COL5A1: variants seen among roughly 807,000 people sequenced by gnomAD.
COL5A1 encodes the protein collagen type V alpha 1 chain.
In COL5A1, 16 loss-of-function variants were observed where a neutral mutation model predicts 263.7. That is an observed-to-expected ratio of 0.06 (90% CI 0.04 to 0.09). The LOEUF (loss-of-function observed/expected upper bound fraction) is 0.09. Ranked by LOEUF, COL5A1 falls within the 10% of genes least tolerant of loss-of-function variation. The probability of loss-of-function intolerance (pLI) is 1.00; values close to 1 mark genes in which losing one functional copy is unlikely to be tolerated. For missense variants in COL5A1, 2,036 were observed against 2,540.5 expected (o/e 0.80, Z 4.27); for synonymous variants, 1,012 against 1,004.5 (o/e 1.01, Z -0.14).
In COL5A1 at chr9:134,784,759, G is replaced by T. The variant is rs546930033; in HGVS notation, c.2485-230G>T. ...ATAAATAGCAGGCAACCTCGGTGCAGAGACCAGCTTCCGCAGAGCCCGGGA... is the reference window on the plus strand; with the variant it reads ...ATAAATAGCAGGCAACCTCGGTGCATAGACCAGCTTCCGCAGAGCCCGGGA... On this transcript the variant is annotated intron_variant, in intron 29 of 65. Coordinates refer to ENST00000371817, the MANE Select transcript of COL5A1 (RefSeq NM_000093.5). 2.0e-5 allele frequency among the ~76,000 whole-genome samples: 3 copies of T among 152,410 alleles called. No individual in the cohort carries two copies. In the East Asian group the frequency reaches 5.8e-4, roughly 29 times the overall value.
rs879746110 is a variant in COL5A1, at chr9:134,754,781, T to C, written c.1827+455T>C. 3.3e-5 allele frequency among the ~76,000 whole-genome samples: 5 copies of C among 152,098 alleles called. No homozygotes were observed. The highest frequency in any genetic ancestry group is 4.4e-5 in the Non-Finnish European group (3 of 68,018). ...GCATGGTTCTCCTGGATGGAACTGG[T>C]TTGTTTGCACATGACCCTGGCTTCT... On this transcript the variant is annotated intron_variant, in intron 16 of 65. Transcript: ENST00000371817. The surrounding 1 kb of genome is among the most constrained non-coding windows in gnomAD (Gnocchi z 4.3).
At chr9:134,745,011 G>T (rs1426693375) in intron 11 of COL5A1, among the ~76,000 whole-genome samples, 1 of 152,238 alleles carries the variant, frequency 6.6e-6, no homozygotes, top group Admixed American at 6.5e-5. Flanking sequence ...GCAGGCTTGT[G>T]TGCCCGAATC....
chr9:134,646,825 T>C (rs1428950533), intron 1 of COL5A1, among the ~76,000 whole-genome samples: 3 of 152,118 alleles, frequency 2.0e-5, no homozygotes, highest in African/African-American at 7.2e-5. Flanking sequence ...ATTACTGAAC[T>C]CCAGGCCAGC....
At chr9:134,688,172 A>G (rs536909391) in intron 1 of COL5A1, among the ~76,000 whole-genome samples, 1 of 152,290 alleles carries the variant, frequency 6.6e-6, no homozygotes, top group South Asian at 2.1e-4. Context: ...ACTTGTTGCA[A>G]CAGAGATCTG....
intron 20 of COL5A1, among the ~76,000 whole-genome samples, chr9:134,764,494 CA>C (rs1836587635): frequency 6.6e-6 from 1 of 152,062 alleles, no homozygotes; most frequent in African/African-American, 2.4e-5. Context: ...ATTCCTCCAG[CA>C]GACTCTGCCC....
intron 4 of COL5A1, chr9:134,708,790 A>T: frequency 2.2e-6 from 1 of 457,984 alleles, no homozygotes. Context: ...GCAGAGATTT[A>T]TCCTCTCCCA....
chr9:134,790,321 CCCAT>C (rs1187124591), intron 32 of COL5A1, among the ~76,000 whole-genome samples: 3 of 150,526 alleles, frequency 2.0e-5, no homozygotes, highest in African/African-American at 4.9e-5. Flanking sequence ...CATCCACCCA[CCCAT>C]CCATCCATCC....
intron 4 of COL5A1, among the ~76,000 whole-genome samples, chr9:134,715,530 G>A (rs1342629135): frequency 1.3e-5 from 2 of 152,286 alleles, no homozygotes; most frequent in African/African-American, 4.8e-5. Flanking sequence ...CCATATTTCA[G>A]ACTATCACAC....
At chr9:134,654,244 TG>T (rs1286769139) in intron 1 of COL5A1, among the ~76,000 whole-genome samples, 3 of 129,172 alleles carry the variant, frequency 2.3e-5, no homozygotes, top group African/African-American at 6.0e-5. Flanking sequence ...TGTGTAGGGC[TG>T]GGGGTGTTTT....
chr9:134,810,317 T>C lies in COL5A1; in HGVS notation c.3528+9T>C. Reference sequence around the variant, plus strand: ...GGGACAAAGGAGAACAGGTAAGTATTGGCACGGGGGCGCGCGGCAGCCCCC... The same window carrying C: ...GGGACAAAGGAGAACAGGTAAGTATCGGCACGGGGGCGCGCGGCAGCCCCC... On this transcript the variant is annotated intron_variant, in intron 44 of 65. Coordinates refer to ENST00000371817, the MANE Select transcript of COL5A1 (RefSeq NM_000093.5). 1 of 1,613,612 alleles carries C rather than the reference T, an allele frequency of 6.2e-7. No individual in the cohort carries two copies. The highest frequency in any genetic ancestry group is 8.5e-7 in the Non-Finnish European group (1 of 1,179,686).
At chr9:134,825,623 G>A (rs1352396423) in intron 62 of COL5A1, among the ~76,000 whole-genome samples, 169 bp from the exon 63 acceptor site, 3 of 152,184 alleles carry the variant, frequency 2.0e-5, no homozygotes, top group Non-Finnish European at 2.9e-5. Flanking sequence ...TATGGGCCCA[G>A]CAGGAGAAGC....
chr9:134,822,185 A>G (rs1839033482), intron 59 of COL5A1, 35 bp downstream of exon 59: 4 of 869,404 alleles, frequency 4.6e-6, no homozygotes, highest in South Asian at 2.7e-5. Context: ...CATTCCTGGG[A>G]GGGCAGGGAG....
Position 134,697,831 on chromosome 9 carries a change from C to T in COL5A1, c.278-2078C>T, listed in dbSNP as rs547292924. ...TGGAAGGATGATGCAAAGCCATAAT[C>T]GCAGCAGTTTGGGAGGCCAAGGCGG... is the stretch of plus-strand genomic sequence containing the variant. On this transcript the variant is annotated intron_variant, in intron 2 of 65. Coordinates refer to ENST00000371817, the MANE Select transcript of COL5A1 (RefSeq NM_000093.5). Among the ~76,000 whole-genome samples, 11 of 152,320 alleles carry T rather than the reference C, an allele frequency of 7.2e-5. No individual in the cohort carries two copies. In the East Asian group the frequency reaches 9.6e-4, roughly 13 times the overall value.
intron 37 of COL5A1, among the ~76,000 whole-genome samples, chr9:134,801,460 G>A (rs1838110374): frequency 6.6e-6 from 1 of 152,262 alleles, no homozygotes; most frequent in Non-Finnish European, 1.5e-5. Context: ...CAGGAGAGCA[G>A]CCAGTGAGAT....
intron 61 of COL5A1, 71 bp downstream of exon 61, chr9:134,823,540 C>T: frequency 2.0e-6 from 3 of 1,516,510 alleles, no homozygotes; most frequent in Non-Finnish European, 2.7e-6. Flanking sequence ...GAGAAAGCAA[C>T]TGTGTGTGTG....
At chr9:134,828,641 A>C (rs117290510) in intron 63 of COL5A1, among the ~76,000 whole-genome samples, 1,352 of 7,144 alleles carry the variant, frequency 0.19, 11 homozygotes, top group South Asian at 0.34. Flanking sequence ...ACACACGATA[A>C]ACACCACACA....
Position 134,683,808 on chromosome 9 carries a change from C to T in COL5A1, c.110-7104C>T, listed in dbSNP as rs181505803. 2.9e-3 allele frequency among the ~76,000 whole-genome samples: 440 copies of T among 152,324 alleles called. 18 individuals carry two copies. In the South Asian group the frequency reaches 0.067, roughly 23 times the overall value. On this transcript the variant is annotated intron_variant, in intron 1 of 65. Transcript: ENST00000371817. ...CATTGCACCCCCTTTCCTGGGGCGCCGGCACCCGGTGGGCTTTTCTGGCTG... is the reference window on the plus strand; with the variant it reads ...CATTGCACCCCCTTTCCTGGGGCGCTGGCACCCGGTGGGCTTTTCTGGCTG...
chr9:134,825,866 G>A lies in COL5A1; in HGVS notation c.5029G>A (p.Gly1677Arg), dbSNP rs768184058. The A allele has an allele frequency of 2.5e-6, 4 of 1,613,298 alleles. No homozygotes were observed. The Admixed American group carries it at 6.7e-5, about 27-fold the overall frequency. The change falls in exon 63 of 66, where the codon GGG (glycine) becomes AGG (arginine). Residue 1677 changes from glycine to arginine, a missense_variant. Gly to Arg is a moderately radical substitution (Grantham distance 125). This residue lies in a region of COL5A1 where 358 missense variants were observed against 384.6 expected (regional missense o/e 0.93). Coordinates refer to ENST00000371817, the MANE Select transcript of COL5A1 (RefSeq NM_000093.5). ...GGTTTACTGCAACTTCACAGCCGGG[G>A]GGTCGACATGCGTCTTCCCTGACAA... ...FKVYCNFTAG[G>R]STCVFPDKKS... is the part of the protein sequence containing the mutation.
rs1588539610 is a variant in COL5A1, at chr9:134,780,094, C to A, written c.2386-8C>A. The A allele has an allele frequency of 1.2e-6, 2 of 1,613,524 alleles. No homozygotes were observed. The highest frequency in any genetic ancestry group is 1.7e-6 in the Non-Finnish European group (2 of 1,180,008). The stretch of plus-strand genomic sequence containing the variant: ...CATTCACTCCTTTTTCTTTTCCCAC[C>A]CGCACAGGGGGCCGATGGCATCCGT... On this transcript the variant is annotated splice_polypyrimidine_tract_variant and splice_region_variant and intron_variant, in intron 27 of 65. Transcript: ENST00000371817.
Sources: gnomAD v4.1 joint callset for allele counts (sites outside exome capture counted in the v4.1 genomes callset) on GRCh38, gnomAD v4.1.1 for gene constraint, gnomAD v4.1.1 regional missense constraint, Gnocchi (gnomAD v3.1) non-coding constraint, MANE v1.5 for transcripts, NCBI Gene and HGNC (gene_info 2026-07-23, HGNC 2026-07-21) for gene names.